JDP2: variants seen among roughly 807,000 people sequenced by gnomAD.
The protein encoded by JDP2 is progesterone receptor co-activator.
A neutral mutation model predicts 17.1 loss-of-function variants in JDP2; 9 were observed. The observed-to-expected ratio is 0.53, with a 90% confidence interval of 0.32 to 0.92. The LOEUF is 0.92. Ranked by LOEUF, JDP2 falls within the 40% of genes least tolerant of loss-of-function variation. JDP2 has a pLI of 0.04. For missense variants in JDP2, 179 were observed against 220.0 expected, an observed-to-expected ratio of 0.81 and a Z score of 1.18; for synonymous variants, 107 against 95.6, an observed-to-expected ratio of 1.12 and a Z score of -0.69.
At chr14:75,435,334 G>A (rs185247901) in intron 1 of JDP2, among the ~76,000 whole-genome samples, 1 of 152,354 alleles carries the variant, frequency 6.6e-6, no homozygotes, top group African/African-American at 2.4e-5. Context: ...AGAGGTCTCA[G>A]GGGCTATTTC....
At chr14:75,439,003 T>A (rs1290250194) in intron 2 of JDP2, among the ~76,000 whole-genome samples, 1 of 152,120 alleles carries the variant, frequency 6.6e-6, no homozygotes, top group Non-Finnish European at 1.5e-5. Context: ...GGGAAGAGGC[T>A]GGGATCGGGA....
intron 1 of JDP2, 107 bp from the exon 2 acceptor site, chr14:75,437,791 G>C: frequency 1.4e-6 from 1 of 717,452 alleles, no homozygotes; most frequent in South Asian, 2.1e-5. Context: ...AAGGGATTCA[G>C]GGGAACATTG....
intron 2 of JDP2, among the ~76,000 whole-genome samples, chr14:75,453,636 C>A (rs1200584863): frequency 1.3e-5 from 2 of 152,210 alleles, no homozygotes; most frequent in Non-Finnish European, 2.9e-5. Context: ...CAGTACCTTC[C>A]TGTACAAGTG....
intron 2 of JDP2, among the ~76,000 whole-genome samples, chr14:75,453,117 G>A (rs1385243938): frequency 2.0e-5 from 3 of 152,022 alleles, no homozygotes; most frequent in Non-Finnish European, 4.4e-5. Context: ...GGGCCTAGCC[G>A]GCTGGGCAGG....
intron 2 of JDP2, among the ~76,000 whole-genome samples, chr14:75,455,578 A>G (rs1228682319): frequency 6.6e-6 from 1 of 152,058 alleles, no homozygotes; most frequent in Non-Finnish European, 1.5e-5. Flanking sequence ...CTTAGAAAAG[A>G]ATTTGGGATA....
chr14:75,467,531 G>A (rs1187822574), intron 3 of JDP2, among the ~76,000 whole-genome samples: 1 of 152,200 alleles, frequency 6.6e-6, no homozygotes, highest in Non-Finnish European at 1.5e-5. Flanking sequence ...AGATGGGTGG[G>A]TTACCCTGAC....
At chr14:75,435,540 A>G (rs189713487) in intron 1 of JDP2, among the ~76,000 whole-genome samples, 16 of 152,274 alleles carry the variant, frequency 1.1e-4, no homozygotes, top group Admixed American at 9.1e-4. Context: ...AAAGGGAAAC[A>G]AAGAAGGAAG....
At chr14:75,447,719 G>T (rs138164606) in intron 2 of JDP2, among the ~76,000 whole-genome samples, 5 of 151,984 alleles carry the variant, frequency 3.3e-5, no homozygotes, top group African/African-American at 9.7e-5. Flanking sequence ...GTGCAGTGGC[G>T]TGATCTCGGC....
chr14:75,447,248 G>T (rs1885643828), intron 2 of JDP2, among the ~76,000 whole-genome samples: 2 of 152,202 alleles, frequency 1.3e-5, no homozygotes, highest in Admixed American at 1.3e-4. Flanking sequence ...CTTTGAAGGA[G>T]CGAGGACATC....
Position 75,430,589 on chromosome 14 carries a change from G to A in JDP2, c.-24+2337G>A, listed in dbSNP as rs1339018563. ...CTGTGGAGGTGTGTTTGAAAACAGA[G>A]GGTCTCCTATGCCTTTGAGGAGGGT... On this transcript the variant is annotated intron_variant, in intron 1 of 3. Transcript: ENST00000651602. The surrounding 1 kb of genome is among the most constrained non-coding windows in gnomAD (Gnocchi z 4.5). Among the ~76,000 whole-genome samples, 1 of 152,120 alleles carries A rather than the reference G, an allele frequency of 6.6e-6. No individual in the cohort carries two copies. The highest frequency in any genetic ancestry group is 2.4e-5 in the African/African-American group (1 of 41,412).
intron 2 of JDP2, among the ~76,000 whole-genome samples, chr14:75,443,837 A>C (rs1885468405): frequency 6.6e-6 from 1 of 152,188 alleles, no homozygotes; most frequent in Admixed American, 6.5e-5. Flanking sequence ...GAAGTCTTAC[A>C]GCTTCTTAGG....
rs1365443460 is a variant in JDP2, at chr14:75,428,510, C to G, written c.-24+258C>G. On this transcript the variant is annotated intron_variant, in intron 1 of 3. Transcript: ENST00000651602. This position sits in a 1 kb window ranked among gnomAD's most constrained non-coding sequence, Gnocchi z 5.6. ...CCGGGACGGGAGGCTCCGTCCGCTC[C>G]CTGGACAGCCGGGGTGCTCCCTCCT... The G allele has an allele frequency of 6.6e-6, 1 of 152,308 alleles. No individual in the cohort carries two copies. Among genetic ancestry groups the G allele is most frequent in the South Asian group, 2.1e-4 (1 of 4,828 alleles). 9.4% of individuals were successfully genotyped at this position (152,308 alleles called of 1,614,324 possible). A position where few individuals can be genotyped will look rare whatever the true frequency, so the allele number is the denominator to read the frequency against.
chr14:75,447,490 T>C (rs1386634950), intron 2 of JDP2, among the ~76,000 whole-genome samples: 2 of 152,140 alleles, frequency 1.3e-5, no homozygotes, highest in African/African-American at 2.4e-5. Context: ...CTCATACCTA[T>C]TAGTTATCAG....
intron 2 of JDP2, among the ~76,000 whole-genome samples, chr14:75,451,122 C>T (rs539497194): frequency 1.3e-5 from 2 of 152,290 alleles, no homozygotes; most frequent in Admixed American, 1.3e-4. Context: ...GGGCCAAGTC[C>T]CAGCAACCTC....
chr14:75,445,917 G>T (rs975023294), intron 2 of JDP2, among the ~76,000 whole-genome samples: 2 of 152,116 alleles, frequency 1.3e-5, no homozygotes, highest in Non-Finnish European at 2.9e-5. Context: ...TCCAATAAGG[G>T]ACTTGTATCT....
In JDP2 at chr14:75,458,484, C is replaced by T. The variant is rs558013140; in HGVS notation, c.202-2942C>T. Among the ~76,000 whole-genome samples the T allele has an allele frequency of 5.3e-5, 8 of 152,230 alleles. No individual in the cohort carries two copies. The East Asian group carries it at 9.6e-4, about 18-fold the overall frequency. On this transcript the variant is annotated intron_variant, in intron 2 of 3. Transcript: ENST00000651602. ...ATAACCTGAGCTCCATCTATGTTCC[C>T]GCAAAGGACATGATCCTGTTCCTTT...
At chr14:75,453,783 T>C (rs1885977373) in intron 2 of JDP2, among the ~76,000 whole-genome samples, 1 of 152,254 alleles carries the variant, frequency 6.6e-6, no homozygotes, top group African/African-American at 2.4e-5. Context: ...TCAACTCTGA[T>C]GCCACAAGTC....
chr14:75,436,572 G>A (rs1487332673), intron 1 of JDP2, among the ~76,000 whole-genome samples: 1 of 152,220 alleles, frequency 6.6e-6, no homozygotes, highest in Non-Finnish European at 1.5e-5. Context: ...TACTTAAAAG[G>A]CTGCTTCAAA....
At position 75,472,545 on chromosome 14, in the gene JDP2, C is replaced by T. The variant is rs1886837191; in HGVS notation, c.*3070C>T. 1 of 152,168 alleles carries T rather than the reference C, an allele frequency of 6.6e-6. No homozygotes were observed. The allele number at this position is 152,168 out of a possible 1,614,324, so 9.4% of individuals were successfully genotyped here. ...GACACACCTTAAAGGCAAACGGGTTCATGATGTAATCTTCTATTGACTAGC... is the reference window on the plus strand; with the variant it reads ...GACACACCTTAAAGGCAAACGGGTTTATGATGTAATCTTCTATTGACTAGC... On this transcript the variant is annotated 3_prime_UTR_variant, in exon 4 of 4. Coordinates refer to ENST00000651602, the MANE Select transcript of JDP2 (RefSeq NM_001135048.2).
Sources: gnomAD v4.1 joint callset for allele counts (sites outside exome capture counted in the v4.1 genomes callset) on GRCh38, gnomAD v4.1.1 for gene constraint, Gnocchi (gnomAD v3.1) non-coding constraint, MANE v1.5 for transcripts, NCBI Gene and HGNC (gene_info 2026-07-23, HGNC 2026-07-21) for gene names.